Variants in GPR162 observed in about 807,000 individuals in gnomAD.
GPR162 encodes the protein probable G protein-coupled receptor 162.
GPR162 carries 26 observed loss-of-function variants against 44.9 expected under a neutral mutation model. That is an observed-to-expected ratio of 0.58 (90% CI 0.42 to 0.80). GPR162 has a LOEUF of 0.80. Among genes scored for constraint, GPR162 ranks in the 30% least tolerant of loss-of-function variants. The pLI, the probability that GPR162 is intolerant of heterozygous loss-of-function variation, is 0.00. For missense variants in GPR162, 704 were observed against 802.3 expected (o/e 0.88, Z 1.48); for synonymous variants, 363 against 335.2 (o/e 1.08, Z -0.91).
chr12:6,826,361 A>G lies in GPR162; in HGVS notation c.1215+8A>G. 1 of 1,603,954 alleles carries G rather than the reference A, an allele frequency of 6.2e-7. No individual in the cohort carries two copies. The highest frequency in any genetic ancestry group is 8.5e-7 in the Non-Finnish European group (1 of 1,174,086). ...AGAGTCCACTACTTACAGGTATGGAACTGGGGGATACATCTCCTACCCTTG... is the reference window on the plus strand; with the variant it reads ...AGAGTCCACTACTTACAGGTATGGAGCTGGGGGATACATCTCCTACCCTTG... On this transcript the variant is annotated splice_region_variant and intron_variant, in intron 4 of 4. Coordinates refer to ENST00000311268, the MANE Select transcript of GPR162 (RefSeq NM_019858.2).
In GPR162 at chr12:6,826,231, T is replaced by TGCAAAGTTC; in HGVS notation, c.1096_1104dup (p.Lys366_Arg368dup). 1 of 1,614,092 alleles carries TGCAAAGTTC rather than the reference T, an allele frequency of 6.2e-7. No individual in the cohort carries two copies. Among genetic ancestry groups the TGCAAAGTTC allele is most frequent in the South Asian group, 1.1e-5 (1 of 91,090 alleles). On this transcript the variant is annotated inframe_insertion, in exon 4 of 5. Coordinates refer to ENST00000311268, the MANE Select transcript of GPR162 (RefSeq NM_019858.2). ...TGACGACTATGCAGAGGGCCGAGTT[T>TGCAAAGTTC]GCAAAGTTCGCTTTGATGCTAACGG...
At position 6,826,832 on chromosome 12, in the gene GPR162, GGAGGAC is replaced by G; in HGVS notation, c.1401_1406del (p.Asp467_Glu468del). 1 of 1,609,954 alleles carries G rather than the reference GGAGGAC, an allele frequency of 6.2e-7. No individual in the cohort carries two copies. Among genetic ancestry groups the G allele is most frequent in the East Asian group, 2.2e-5 (1 of 44,840 alleles). ...GACAAAGACACAGGTTGGAGGACGA[GGAGGAC>G]GAGGAAGAGGCTGAAGGTGGGGGGC... is the stretch of plus-strand genomic sequence containing the variant. On this transcript the variant is annotated inframe_deletion, in exon 5 of 5. Transcript: ENST00000311268.
chr12:6,823,017 G>T (rs1943304460), intron 1 of GPR162, among the ~76,000 whole-genome samples: 1 of 152,216 alleles, frequency 6.6e-6, no homozygotes. Context: ...TAAGCACCAA[G>T]ACCCCTGCAT....
At chr12:6,826,499 G>A in intron 4 of GPR162, 146 bp downstream of exon 4, 1 of 1,070,390 alleles carries the variant, frequency 9.3e-7, no homozygotes, top group Non-Finnish European at 1.3e-6. Context: ...AGCAAGAGAG[G>A]CATCCCTTCA....
rs782495851 is a variant in GPR162 at position 6,824,030 on chromosome 12, G to A, written c.132G>A (p.Lys44=). ...TCAGCATCTCGGCCAAGCAGCAGAA[G>A]CACAAGCCACTGGAGCTGCTGCTCT... is the stretch of plus-strand genomic sequence containing the variant. ...IILSISAKQQ[K]HKPLELLLCF... is the part of the protein sequence containing the mutation. The change falls in exon 2 of 5, where the codon AAG becomes AAA. Residue 44 remains lysine (K), a synonymous_variant. Coordinates refer to ENST00000311268, the MANE Select transcript of GPR162 (RefSeq NM_019858.2). 3.1e-6 allele frequency: 5 copies of A among 1,611,406 alleles called. No homozygotes were observed. Among genetic ancestry groups the A allele is most frequent in the South Asian group, 1.1e-5 (1 of 91,092 alleles).
At position 6,826,988 on chromosome 12, in the gene GPR162, G is replaced by A. The variant is rs373524161; in HGVS notation, c.1551G>A (p.Pro517=). 5.3e-5 allele frequency: 85 copies of A among 1,613,144 alleles called. No individual in the cohort carries two copies. The highest frequency in any genetic ancestry group is 3.1e-4 in the African/African-American group (23 of 74,938). ...TCGATGAGACACCTCTGCCTTCTCC[G>A]ACTGCCTCACCAGGGCACTCTCCTC... The part of the protein sequence containing the change: ...TFIDETPLPS[P]TASPGHSPRR... Residue 517 remains proline (P), a synonymous_variant, in exon 5 of 5, where the codon CCG becomes CCA. Coordinates refer to ENST00000311268, the MANE Select transcript of GPR162 (RefSeq NM_019858.2).
chr12:6,825,787 C>G (rs1943346386), intron 3 of GPR162, 114 bp downstream of exon 3: 1 of 866,460 alleles, frequency 1.2e-6, no homozygotes, highest in Non-Finnish European at 1.8e-6. Context: ...TGGACAGAAT[C>G]TGCACCACCC....
chr12:6,826,730 C>A lies in GPR162; in HGVS notation c.1293C>A (p.His431Gln). 6.3e-7 allele frequency: 1 copy of A among 1,581,858 alleles called. No homozygotes were observed. Residue 431 changes from histidine to glutamine, a missense_variant, in exon 5 of 5, where the codon CAC (histidine) becomes CAA (glutamine). Coordinates refer to ENST00000311268, the MANE Select transcript of GPR162 (RefSeq NM_019858.2). ...STPREPGSFLHKWSSSDDIRV... is the reference protein window; with the variant it reads ...STPREPGSFLQKWSSSDDIRV... ...CTCGGGAACCAGGCTCCTTCCTGCA[C>A]AAGTGGTCATCCTCTGATGACATCC...
chr12:6,825,822 C>A, intron 3 of GPR162, 149 bp downstream of exon 3: 1 of 678,804 alleles, frequency 1.5e-6, no homozygotes, highest in Non-Finnish European at 2.5e-6. Context: ...CCTAAGCAGG[C>A]ACCCTGCTGT....
chr12:6,824,932 C>G, intron 2 of GPR162, 167 bp downstream of exon 2: 1 of 717,034 alleles, frequency 1.4e-6, no homozygotes, highest in Non-Finnish European at 2.5e-6. Flanking sequence ...TGGCCCCCAT[C>G]TTGATCATCT....
Position 6,824,684 on chromosome 12 carries a change from T to G in GPR162, c.786T>G (p.Ser262=). 6.2e-7 allele frequency: 1 copy of G among 1,613,994 alleles called. No individual in the cohort carries two copies. Among genetic ancestry groups the G allele is most frequent in the Non-Finnish European group, 8.5e-7 (1 of 1,179,926 alleles). The change falls in exon 2 of 5, where the codon TCT becomes TCG. Residue 262 remains serine (S), a synonymous_variant. Transcript: ENST00000311268. The part of the protein sequence containing the change: ...KRRSSLDGSE[S]AKTSLQVTNL... ...GGTCCTCGCTGGATGGCTCGGAGTC[T>G]GCCAAGACATCCCTGCAGGTCACCA... is the stretch of plus-strand genomic sequence containing the variant.
At chr12:6,825,116 C>A in intron 2 of GPR162, 1 of 550,092 alleles carries the variant, frequency 1.8e-6, no homozygotes, top group Non-Finnish European at 3.3e-6. Context: ...GCTCCACTCT[C>A]CATTCCCTCC....
rs928607871 is a variant in GPR162, at chr12:6,827,077, C to T, written c.1640C>T (p.Ala547Val). The T allele has an allele frequency of 1.2e-6, 2 of 1,613,328 alleles. No homozygotes were observed. Among genetic ancestry groups the T allele is most frequent in the Non-Finnish European group, 1.7e-6 (2 of 1,180,024 alleles). Residue 547 changes from alanine to valine, a missense_variant, in exon 5 of 5, where the codon GCC becomes GTC. Physicochemically the swap from Ala to Val is moderately conservative, Grantham distance 64. Transcript: ENST00000311268. ...RLSLGSPESR[A>V]VGLPLGLSAG... ...TCCCTTGGGTCCCCTGAGAGCAGAG[C>T]CGTTGGACTTCCTTTGGGACTAAGC...
Position 6,824,383 on chromosome 12 carries a change from G to A in GPR162, c.485G>A (p.Arg162His), listed in dbSNP as rs781871717. ...PSIGWHNNGE[R>H]YYARGCQFIV... ...ATTGGCTGGCACAACAACGGCGAGC[G>A]CTACTATGCCCGCGGCTGCCAGTTC... The change falls in exon 2 of 5, where the codon CGC becomes CAC. Residue 162 changes from arginine to histidine, a missense_variant. Arg to His is a conservative substitution (Grantham distance 29). This residue lies in a region of GPR162 where 110 missense variants were observed against 206.2 expected (regional missense o/e 0.53). Coordinates refer to ENST00000311268, the MANE Select transcript of GPR162 (RefSeq NM_019858.2). 5.6e-6 allele frequency: 9 copies of A among 1,614,164 alleles called. No individual in the cohort carries two copies. The highest frequency in any genetic ancestry group is 1.7e-5 in the Admixed American group (1 of 60,030).
intron 2 of GPR162, chr12:6,825,072 C>CGGTTCA: frequency 1.7e-6 from 1 of 600,514 alleles, no homozygotes; most frequent in South Asian, 1.7e-5. Flanking sequence ...TGCAGCTCCA[C>CGGTTCA]GGTTCAGCCG....
In GPR162 at chr12:6,824,286, G is replaced by A. The variant is rs782225681; in HGVS notation, c.388G>A (p.Ala130Thr). The change falls in exon 2 of 5, where the codon GCC (alanine) becomes ACC (threonine). Residue 130 changes from alanine (A) to threonine (T), a missense_variant. Physicochemically the swap from Ala to Thr is moderately conservative, Grantham distance 58 (BLOSUM62 0). Coordinates refer to ENST00000311268, the MANE Select transcript of GPR162 (RefSeq NM_019858.2). ...GCCCGTCAACTACCGCCTCAGCAAC[G>A]CCAAGAAGCAGGCACTGCATGCCGT... ...RWPVNYRLSN[A>T]KKQALHAVMG... The A allele has an allele frequency of 1.6e-5, 26 of 1,613,934 alleles. No individual in the cohort carries two copies. Among genetic ancestry groups the A allele is most frequent in the Middle Eastern group, 1.6e-4 (1 of 6,084 alleles).
At chr12:6,825,255 T>C in intron 2 of GPR162, 1 of 588,082 alleles carries the variant, frequency 1.7e-6, no homozygotes. Context: ...CCACCTCTGT[T>C]CCTCTCCCTC....
Position 6,824,439 on chromosome 12 carries a change from G to A in GPR162, c.541G>A (p.Val181Ile), listed in dbSNP as rs1943324132. ...CTCCAAGATCGGCCTCGGCTTTGGC[G>A]TTTGCTTCAGCCTCTTGCTACTTGG... The part of the protein sequence containing the change: ...IVSKIGLGFG[V>I]CFSLLLLGGI... Residue 181 changes from valine to isoleucine, a missense_variant, in exon 2 of 5, where the codon GTT becomes ATT. Val to Ile is a conservative substitution (Grantham distance 29). Transcript: ENST00000311268. 2.5e-6 allele frequency: 4 copies of A among 1,614,012 alleles called. No individual in the cohort carries two copies. Among genetic ancestry groups the A allele is most frequent in the African/African-American group, 1.3e-5 (1 of 74,900 alleles).
At chr12:6,825,839 A>T (rs1437637077) in intron 3 of GPR162, among the ~76,000 whole-genome samples, 166 bp downstream of exon 3, 1 of 151,748 alleles carries the variant, frequency 6.6e-6, no homozygotes, top group Non-Finnish European at 1.5e-5. Context: ...CTGTCCACTC[A>T]CTGCTTCCCG....
Sources: gnomAD v4.1 joint callset for allele counts (sites outside exome capture counted in the v4.1 genomes callset) on GRCh38, gnomAD v4.1.1 for gene constraint, gnomAD v4.1.1 regional missense constraint, MANE v1.5 for transcripts, NCBI Gene and HGNC (gene_info 2026-07-23, HGNC 2026-07-21) for gene names.